ANKRD44: variants seen among roughly 807,000 people sequenced by gnomAD.
ANKRD44 encodes the protein ankyrin repeat domain 44.
Under a neutral mutation model 116.0 loss-of-function variants are expected in ANKRD44, and 35 were observed. That is an observed-to-expected ratio of 0.30 (90% confidence interval 0.23 to 0.40). The LOEUF is 0.40. Ranked by LOEUF, ANKRD44 falls within the 10% of genes least tolerant of loss-of-function variation. ANKRD44 has a pLI of 1.00. For synonymous variants in ANKRD44, 435 were observed against 461.8 expected, an observed-to-expected ratio of 0.94 and a Z score of 0.74; for missense variants, 1,014 against 1,242.6, an observed-to-expected ratio of 0.82 and a Z score of 2.77.
At chr2:197,042,182 C>T (rs991689351) in intron 16 of ANKRD44, among the ~76,000 whole-genome samples, 3 of 152,080 alleles carry the variant, frequency 2.0e-5, no homozygotes, top group East Asian at 1.9e-4. Context: ...CTTTCCACTG[C>T]GGGGTCCACC....
At chr2:197,166,670 G>GGGTAGGAACTA (rs59143953) in intron 2 of ANKRD44, among the ~76,000 whole-genome samples, 138,599 of 152,086 alleles carry the variant, frequency 0.91, 64,501 homozygotes, top group East Asian at 1. Context: ...TGCTCAGAAT[G>GGGTAGGAACTA]GGATATCCCC....
At chr2:196,990,306 C>T in intron 27 of ANKRD44, 1 of 991,650 alleles carries the variant, frequency 1.0e-6, no homozygotes, top group Non-Finnish European at 1.2e-6. Context: ...GAATGTCACA[C>T]TGATATACTT....
chr2:196,970,117 C>T (rs759250269), intron 21 of ANKRD44, among the ~76,000 whole-genome samples: 42 of 152,168 alleles, frequency 2.8e-4, no homozygotes, highest in African/African-American at 7.7e-4. Flanking sequence ...TGTCATGCTG[C>T]GGTTAAAGCC....
chr2:197,014,429 A>T (rs1162413315), intron 17 of ANKRD44, among the ~76,000 whole-genome samples: 2 of 152,162 alleles, frequency 1.3e-5, no homozygotes, highest in Non-Finnish European at 2.9e-5. Context: ...AGAAACAATT[A>T]TGGAAATACA....
At chr2:197,289,451 G>A (rs2083499987) in intron 1 of ANKRD44, among the ~76,000 whole-genome samples, 1 of 152,164 alleles carries the variant, frequency 6.6e-6, no homozygotes, top group Non-Finnish European at 1.5e-5. Flanking sequence ...ATTCATAATA[G>A]ATAAATGTGG....
At chr2:197,034,084 G>GAGAGAGAGAGAGAT (rs2076763065) in intron 16 of ANKRD44, among the ~76,000 whole-genome samples, 1 of 151,360 alleles carries the variant, frequency 6.6e-6, no homozygotes, top group African/African-American at 2.4e-5. Flanking sequence ...GAGAGAGAGA[G>GAGAGAGAGAGAGAT]AGCTCATACT....
intron 1 of ANKRD44, among the ~76,000 whole-genome samples, chr2:197,241,570 C>A (rs1162868010): frequency 6.6e-6 from 1 of 152,008 alleles, no homozygotes; most frequent in Non-Finnish European, 1.5e-5. Flanking sequence ...TTTCCAAGTT[C>A]TCTATAATGA....
intron 16 of ANKRD44, among the ~76,000 whole-genome samples, chr2:197,059,559 A>G (rs989930543): frequency 1.8e-4 from 28 of 152,242 alleles, no homozygotes; most frequent in Non-Finnish European, 7.3e-5. Context: ...TAAAAGAAGC[A>G]GCACAGATTC....
At chr2:197,072,027 G>T (rs1378941055) in intron 16 of ANKRD44, among the ~76,000 whole-genome samples, 1 of 149,050 alleles carries the variant, frequency 6.7e-6, no homozygotes, top group Non-Finnish European at 1.5e-5. Flanking sequence ...TGAGAGGGAG[G>T]GAGGGATGGA....
chr2:197,072,856 C>T (rs185310417), intron 16 of ANKRD44, among the ~76,000 whole-genome samples: 21 of 152,292 alleles, frequency 1.4e-4, no homozygotes, highest in Admixed American at 1.3e-3. Flanking sequence ...TAGGTCCGAT[C>T]TCCTTTATGA....
At chr2:197,289,209 A>C (rs906854735) in intron 1 of ANKRD44, among the ~76,000 whole-genome samples, 1 of 152,230 alleles carries the variant, frequency 6.6e-6, no homozygotes, top group Non-Finnish European at 1.5e-5. Context: ...AAAAATACCA[A>C]AAAACTCACA....
At chr2:197,163,635 C>A (rs2080024259) in intron 2 of ANKRD44, among the ~76,000 whole-genome samples, 1 of 152,204 alleles carries the variant, frequency 6.6e-6, no homozygotes, top group Non-Finnish European at 1.5e-5. Flanking sequence ...CAGGCCAGGG[C>A]AGGCCCAGTG....
chr2:197,138,069 T>G (rs1054005334), intron 3 of ANKRD44, among the ~76,000 whole-genome samples: 1 of 152,132 alleles, frequency 6.6e-6, no homozygotes, highest in African/African-American at 2.4e-5. Flanking sequence ...GCTGGCCCAA[T>G]GACCAAGAGC....
chr2:197,132,507 C>G (rs771627145), intron 4 of ANKRD44, among the ~76,000 whole-genome samples: 1 of 152,168 alleles, frequency 6.6e-6, no homozygotes, highest in Non-Finnish European at 1.5e-5. Context: ...ACACAGAAAT[C>G]TGAACATAAA....
At chr2:197,217,909 A>T (rs1033113963) in intron 1 of ANKRD44, among the ~76,000 whole-genome samples, 1 of 152,226 alleles carries the variant, frequency 6.6e-6, no homozygotes, top group Admixed American at 6.5e-5. Context: ...GCCCCCAAGG[A>T]AAGAACATTC....
chr2:197,242,450 A>C (rs2082109530), intron 1 of ANKRD44, among the ~76,000 whole-genome samples: 2 of 152,302 alleles, frequency 1.3e-5, no homozygotes, highest in East Asian at 3.9e-4. Context: ...CAGGTTTCTC[A>C]AAAGAGACAG....
chr2:197,065,310 A>C (rs909268051), intron 16 of ANKRD44, among the ~76,000 whole-genome samples: 3 of 152,258 alleles, frequency 2.0e-5, no homozygotes, highest in Admixed American at 6.5e-5. Context: ...AGCAGTGTGT[A>C]GAGGGAAATT....
At chr2:197,202,426 G>A (rs2081113049) in intron 1 of ANKRD44, among the ~76,000 whole-genome samples, 1 of 151,968 alleles carries the variant, frequency 6.6e-6, no homozygotes, top group Admixed American at 6.5e-5. Context: ...ACCCAATAAG[G>A]GGTGGTCTAG....
intron 4 of ANKRD44, among the ~76,000 whole-genome samples, chr2:197,131,644 C>T (rs1314993504): frequency 6.6e-6 from 1 of 152,178 alleles, no homozygotes; most frequent in Non-Finnish European, 1.5e-5. Flanking sequence ...AGCAATTCTC[C>T]TCTGATGCTC....
Sources: allele counts gnomAD v4.1 joint callset (sites outside exome capture counted in the v4.1 genomes callset), GRCh38; gene constraint gnomAD v4.1.1; transcripts MANE v1.5; gene names NCBI Gene and HGNC (gene_info 2026-07-23, HGNC 2026-07-21).